Variants in FTCD observed in about 807,000 individuals in gnomAD.
FTCD encodes the protein formimidoyltransferase-cyclodeaminase.
Under a neutral mutation model 62.9 loss-of-function variants are expected in FTCD, and 76 were observed. The observed-to-expected ratio is 1.21, with a 90% CI of 1.00 to 1.46. The LOEUF is 1.46. FTCD is among the 40% of genes most tolerant of loss of function. The probability of loss-of-function intolerance (pLI) is 0.00; values close to 1 mark genes in which losing one functional copy is unlikely to be tolerated. For synonymous variants in FTCD, 397 were observed against 336.9 expected, an observed-to-expected ratio of 1.18 and a Z score of -1.95; for missense variants, 845 against 751.3, an observed-to-expected ratio of 1.12 and a Z score of -1.46.
In FTCD at chr21:46,152,889, G is replaced by A. The variant is rs373011848; in HGVS notation, c.367+18C>T. The A allele has an allele frequency of 3.8e-6, 6 of 1,564,218 alleles. No individual in the cohort carries two copies. Among genetic ancestry groups the A allele is most frequent in the Non-Finnish European group, 5.2e-6 (6 of 1,153,336 alleles). The stretch of plus-strand genomic sequence containing the variant: ...ATGAGACGGGAGCAGAGTGAGGGGG[G>A]CGGGGGGGCACGCTCACCTGGCACG... On this transcript the variant is annotated intron_variant, in intron 3 of 13. Transcript: ENST00000397746.
chr21:46,155,544 T>C lies in FTCD; in HGVS notation c.-21A>G. 1 of 1,607,834 alleles carries C rather than the reference T, an allele frequency of 6.2e-7. No individual in the cohort carries two copies. The highest frequency in any genetic ancestry group is 1.1e-5 in the South Asian group (1 of 91,000). ...GACATGGCCAGCACCTTGATCCAGATGCTCCTCTCTGGGCAGATGGAAGGA... is the reference window on the plus strand; with the variant it reads ...GACATGGCCAGCACCTTGATCCAGACGCTCCTCTCTGGGCAGATGGAAGGA... On this transcript the variant is annotated 5_prime_UTR_variant, in exon 1 of 14. Transcript: ENST00000397746.
At chr21:46,139,133 T>C in intron 10 of FTCD, 2 of 610,806 alleles carry the variant, frequency 3.3e-6, no homozygotes, top group Non-Finnish European at 5.9e-6. Context: ...ACACAGCAGA[T>C]GGTCAGAGAC....
At chr21:46,142,703 G>C (rs564805461) in intron 10 of FTCD, 1 of 152,394 alleles carries the variant, frequency 6.6e-6, no homozygotes, top group Admixed American at 6.5e-5. Context: ...ACCCGCCACG[G>C]TTGGCGCTTG....
At chr21:46,154,507 C>CG (rs2079384094) in intron 1 of FTCD, among the ~76,000 whole-genome samples, 175 bp from the exon 2 acceptor site, 1 of 151,898 alleles carries the variant, frequency 6.6e-6, no homozygotes, top group African/African-American at 2.4e-5. Flanking sequence ...AGCGGCCGCC[C>CG]GGGAACCCTC....
At chr21:46,148,501 C>A (rs535137582) in intron 7 of FTCD, among the ~76,000 whole-genome samples, 1 of 152,290 alleles carries the variant, frequency 6.6e-6, no homozygotes, top group African/African-American at 2.4e-5. Flanking sequence ...TGCCTGTAAT[C>A]CCAGCACTTT....
intron 10 of FTCD, among the ~76,000 whole-genome samples, chr21:46,144,402 CCACCTA>C: frequency 9.0e-6 from 1 of 111,722 alleles, no homozygotes; most frequent in Admixed American, 8.7e-5. Context: ...CCCTCTCTCT[CCACCTA>C]CCTCTCTCCC....
Position 46,154,135 on chromosome 21 carries a change from C to T in FTCD, c.238+14G>A. The T allele has an allele frequency of 6.2e-7, 1 of 1,611,796 alleles. No individual in the cohort carries two copies. Among genetic ancestry groups the T allele is most frequent in the Non-Finnish European group, 8.5e-7 (1 of 1,179,046 alleles). On this transcript the variant is annotated intron_variant, in intron 2 of 13. Transcript: ENST00000397746. Reference sequence around the variant, plus strand: ...CTGAGACACGGCAGCCACAGGAGAGCCCAGAGACCTCACCTTGGTGCCTGC... The same window carrying T: ...CTGAGACACGGCAGCCACAGGAGAGTCCAGAGACCTCACCTTGGTGCCTGC...
At position 46,145,944 on chromosome 21, in the gene FTCD, G is replaced by C; in HGVS notation, c.972C>G (p.Tyr324Ter). ...GCTCAGGCCCGCGCTCAGGGACCAG[G>C]TACCTGCAGGGTGGGCGCGGCTCAG... is the stretch of plus-strand genomic sequence containing the variant. ...PFSPKERIIE[Y>*]LVPERGPERG... Residue 324 changes from tyrosine (Y) to a stop codon, truncating the protein, a stop_gained, in exon 9 of 14, where the codon TAC (tyrosine) becomes TAG (stop). Coordinates refer to ENST00000397746, the MANE Select transcript of FTCD (RefSeq NM_206965.2). LOFTEE classifies it high-confidence loss of function. 44 of 1,497,626 alleles carry C rather than the reference G, an allele frequency of 2.9e-5. No homozygotes were observed. The highest frequency in any genetic ancestry group is 3.9e-5 in the Non-Finnish European group (44 of 1,127,674). The allele number at this position is 1,497,626 out of a possible 1,614,324, so 92.8% of individuals were successfully genotyped here. A position where few individuals can be genotyped will look rare whatever the true frequency, so the allele number is the denominator to read the frequency against.
chr21:46,138,710 C>CA, intron 11 of FTCD, 64 bp from the exon 12 acceptor site: 2 of 1,545,866 alleles, frequency 1.3e-6, no homozygotes, highest in Non-Finnish European at 1.8e-6. Flanking sequence ...GGACACACTG[C>CA]ACCCCAACAG....
intron 5 of FTCD, among the ~76,000 whole-genome samples, 154 bp from the exon 6 acceptor site, chr21:46,150,679 C>G (rs1272620162): frequency 6.6e-6 from 1 of 152,262 alleles, no homozygotes; most frequent in East Asian, 1.9e-4. Context: ...CTGAGCTGGC[C>G]GGGGAGGGCC....
chr21:46,154,022 C>G, intron 2 of FTCD, 127 bp downstream of exon 2: 2 of 955,674 alleles, frequency 2.1e-6, no homozygotes, highest in South Asian at 2.6e-5. Context: ...AGAGCCAGAG[C>G]CAGCCCCACT....
intron 1 of FTCD, among the ~76,000 whole-genome samples, chr21:46,154,690 C>T (rs560990853): frequency 2.1e-4 from 32 of 152,364 alleles, no homozygotes; most frequent in African/African-American, 6.5e-4. Flanking sequence ...CCCCCACCCC[C>T]GAGCAGGGGA....
At chr21:46,143,506 ATAAT>A (rs887896547) in intron 10 of FTCD, among the ~76,000 whole-genome samples, 10 of 152,256 alleles carry the variant, frequency 6.6e-5, no homozygotes, top group African/African-American at 2.2e-4. Flanking sequence ...ATGATTATAT[ATAAT>A]TATTAATCAT....
chr21:46,138,498 GCCCCCCTA>G lies in FTCD; in HGVS notation c.1443+2_1443+9del. ...CGGCAGGAGGCCTGGGGTCCCCCGG[GCCCCCCTA>G]CCTGGAGGTCTGACCGGCAGGCCAG... On this transcript the variant is annotated splice_donor_variant and splice_donor_5th_base_variant and intron_variant, in intron 12 of 13. Coordinates refer to ENST00000397746, the MANE Select transcript of FTCD (RefSeq NM_206965.2). LOFTEE classifies it high-confidence loss of function. 2 of 1,578,978 alleles carry G rather than the reference GCCCCCCTA, an allele frequency of 1.3e-6. No homozygotes were observed.
chr21:46,148,660 A>C (rs1213698834), intron 7 of FTCD, among the ~76,000 whole-genome samples: 2 of 152,208 alleles, frequency 1.3e-5, no homozygotes, highest in Non-Finnish European at 2.9e-5. Flanking sequence ...ATGCACAACT[A>C]CATCTGGCCA....
intron 10 of FTCD, 126 bp from the exon 11 acceptor site, chr21:46,139,049 G>A (rs970886999): frequency 2.6e-6 from 2 of 775,668 alleles, no homozygotes; most frequent in Admixed American, 3.8e-5. Context: ...TGGGAACCAA[G>A]CTTCTGTTGG....
Position 46,151,111 on chromosome 21 carries a change from C to A in FTCD, c.636+447G>T, listed in dbSNP as rs34564917. On this transcript the variant is annotated intron_variant, in intron 5 of 13. Coordinates refer to ENST00000397746, the MANE Select transcript of FTCD (RefSeq NM_206965.2). ...CCCCCGCTTTCTCCGGGTATCTATA[C>A]CCGGAGTGACGCTCAGACCGGGTGA... Among the ~76,000 whole-genome samples, 1,493 of 152,240 alleles carry A rather than the reference C, an allele frequency of 9.8e-3. 10 individuals carry two copies. Among genetic ancestry groups the A allele is most frequent in the Non-Finnish European group, 0.016 (1,088 of 67,998 alleles).
intron 10 of FTCD, among the ~76,000 whole-genome samples, chr21:46,144,823 C>G (rs987477705): frequency 6.7e-6 from 1 of 148,838 alleles, no homozygotes; most frequent in Admixed American, 6.7e-5. Context: ...TGCCCTTTCC[C>G]AGGCTCTCTG....
Position 46,138,875 on chromosome 21 carries a change from C to G in FTCD, c.1304+5G>C, listed in dbSNP as rs1342216094. On this transcript the variant is annotated splice_donor_5th_base_variant and intron_variant, in intron 11 of 13. Coordinates refer to ENST00000397746, the MANE Select transcript of FTCD (RefSeq NM_206965.2). ...CCCACGGTGCGGCCGGCCCTCCAGGCTCACCTGTCCTTTTCCTCAGGTGTG... is the reference window on the plus strand; with the variant it reads ...CCCACGGTGCGGCCGGCCCTCCAGGGTCACCTGTCCTTTTCCTCAGGTGTG... 1.9e-6 allele frequency: 3 copies of G among 1,611,420 alleles called. No homozygotes were observed. Among genetic ancestry groups the G allele is most frequent in the South Asian group, 2.2e-5 (2 of 91,038 alleles).
Sources: gnomAD v4.1 joint callset for allele counts (sites outside exome capture counted in the v4.1 genomes callset) on GRCh38, gnomAD v4.1.1 for gene constraint, MANE v1.5 for transcripts, NCBI Gene and HGNC (gene_info 2026-07-23, HGNC 2026-07-21) for gene names.